KCNIP1: variants seen among roughly 807,000 people sequenced by gnomAD.
KCNIP1 encodes A-type potassium channel modulatory protein KCNIP1.
A neutral mutation model predicts 33.0 loss-of-function variants in KCNIP1; 18 were observed. That is an observed-to-expected ratio of 0.55 (90% CI 0.38 to 0.81). The LOEUF (loss-of-function observed/expected upper bound fraction) is 0.81. Ranked by LOEUF, KCNIP1 falls within the 30% of genes least tolerant of loss-of-function variation. KCNIP1 has a pLI of 0.00. For missense variants in KCNIP1, 238 were observed against 271.6 expected (o/e 0.88, Z 0.87); for synonymous variants, 93 against 98.3 (o/e 0.95, Z 0.32).
At chr5:170,465,442 A>G (rs1581217096) in intron 1 of KCNIP1, among the ~76,000 whole-genome samples, 1 of 152,198 alleles carries the variant, frequency 6.6e-6, no homozygotes, top group African/African-American at 2.4e-5. Flanking sequence ...GTCTTCATCC[A>G]AGGGAACCAA....
intron 1 of KCNIP1, among the ~76,000 whole-genome samples, chr5:170,355,040 G>C (rs1763308732): frequency 6.6e-6 from 1 of 152,238 alleles, no homozygotes. Flanking sequence ...CATGGCTCAG[G>C]TGCCCGCCAC....
At chr5:170,449,933 C>T (rs565352074) in intron 1 of KCNIP1, among the ~76,000 whole-genome samples, 3 of 151,772 alleles carry the variant, frequency 2.0e-5, no homozygotes, top group Admixed American at 2.0e-4. Context: ...CTTGGAAGGC[C>T]GGGAGGTTTT....
rs564966622 is a variant in KCNIP1 at position 170,648,600 on chromosome 5, G to C, written c.62-70158G>C. On this transcript the variant is annotated intron_variant, in intron 1 of 7. Coordinates refer to ENST00000328939, the MANE Select transcript of KCNIP1 (RefSeq NM_014592.4). ...CAGTAAAAAGATGGCTGGTTTCCAG[G>C]GTTGTGGGGAGGAAGGGATGATTAG... Among the ~76,000 whole-genome samples the C allele has an allele frequency of 2.6e-5, 4 of 152,328 alleles. No individual in the cohort carries two copies. The East Asian group carries it at 7.7e-4, about 29-fold the overall frequency.
intron 1 of KCNIP1, among the ~76,000 whole-genome samples, chr5:170,546,183 T>A (rs2113396096): frequency 6.6e-6 from 1 of 152,360 alleles, no homozygotes; most frequent in Middle Eastern, 3.4e-3. Context: ...CTGAAGAGAT[T>A]CAGTCCTGCT....
chr5:170,691,479 T>A (rs548449567), intron 1 of KCNIP1, among the ~76,000 whole-genome samples: 1 of 152,344 alleles, frequency 6.6e-6, no homozygotes, highest in African/African-American at 2.4e-5. Flanking sequence ...ATACTTAACT[T>A]TCCTGAGAGT....
intron 5 of KCNIP1, among the ~76,000 whole-genome samples, chr5:170,730,225 A>C (rs1001227272): frequency 6.6e-5 from 10 of 152,140 alleles, no homozygotes; most frequent in African/African-American, 1.9e-4. Flanking sequence ...TAAAGAAAAA[A>C]ATACAGAAAT....
At chr5:170,593,984 A>G (rs1387004846) in intron 1 of KCNIP1, among the ~76,000 whole-genome samples, 1 of 152,248 alleles carries the variant, frequency 6.6e-6, no homozygotes, top group Non-Finnish European at 1.5e-5. Context: ...AGAATACAAG[A>G]TATAATTCTT....
chr5:170,686,827 C>T (rs972111526), intron 1 of KCNIP1, among the ~76,000 whole-genome samples: 2 of 152,218 alleles, frequency 1.3e-5, no homozygotes, highest in African/African-American at 4.8e-5. Context: ...AATGAGCAAG[C>T]ACTGCAGCCA....
At chr5:170,586,553 G>A (rs1242315191) in intron 1 of KCNIP1, among the ~76,000 whole-genome samples, 1 of 152,208 alleles carries the variant, frequency 6.6e-6, no homozygotes, top group East Asian at 1.9e-4. Flanking sequence ...CCGGGTCCAT[G>A]CCACATTGTT....
At chr5:170,418,666 C>A (rs1326772636) in intron 1 of KCNIP1, among the ~76,000 whole-genome samples, 1 of 152,204 alleles carries the variant, frequency 6.6e-6, no homozygotes, top group Non-Finnish European at 1.5e-5. Flanking sequence ...TACTTTTCAG[C>A]CTGAGGTCTC....
intron 1 of KCNIP1, among the ~76,000 whole-genome samples, chr5:170,381,930 C>T (rs893071542): frequency 2.0e-5 from 3 of 152,188 alleles, no homozygotes; most frequent in African/African-American, 7.2e-5. Context: ...GGGGCCGAGT[C>T]ATACTAGCGA....
intron 1 of KCNIP1, among the ~76,000 whole-genome samples, chr5:170,592,885 G>A (rs927983863): frequency 4.6e-5 from 7 of 152,010 alleles, no homozygotes; most frequent in South Asian, 4.2e-4. Flanking sequence ...TATAAGCTCC[G>A]GACAAACACA....
At chr5:170,414,376 CTG>C (rs1755273214) in intron 1 of KCNIP1, among the ~76,000 whole-genome samples, 1 of 152,220 alleles carries the variant, frequency 6.6e-6, no homozygotes, top group Non-Finnish European at 1.5e-5. Flanking sequence ...TGTAAACAGA[CTG>C]TAGCCTACAC....
intron 1 of KCNIP1, among the ~76,000 whole-genome samples, chr5:170,640,822 G>C (rs1039183256): frequency 2.6e-5 from 4 of 152,124 alleles, no homozygotes; most frequent in African/African-American, 9.7e-5. Flanking sequence ...TGCAAGGGGG[G>C]ACACCTCACA....
intron 1 of KCNIP1, among the ~76,000 whole-genome samples, chr5:170,398,348 G>T (rs997196746): frequency 6.6e-6 from 1 of 152,138 alleles, no homozygotes; most frequent in Non-Finnish European, 1.5e-5. Context: ...AGGGCAAAAG[G>T]TTTCTACATT....
chr5:170,390,517 A>AAATATATATAT, intron 1 of KCNIP1, among the ~76,000 whole-genome samples: 8 of 74,534 alleles, frequency 1.1e-4, no homozygotes, highest in African/African-American at 1.3e-4. Flanking sequence ...AAAAAAAACA[A>AAATATATATAT]ATATATATAT....
At chr5:170,506,868 C>G (rs1206367879) in intron 1 of KCNIP1, among the ~76,000 whole-genome samples, 1 of 152,134 alleles carries the variant, frequency 6.6e-6, no homozygotes, top group African/African-American at 2.4e-5. Flanking sequence ...GGTATTTGCC[C>G]CCGAAGCACA....
intron 1 of KCNIP1, among the ~76,000 whole-genome samples, chr5:170,690,649 G>A (rs1394886005): frequency 6.6e-6 from 1 of 152,202 alleles, no homozygotes; most frequent in African/African-American, 2.4e-5. Flanking sequence ...TAGGAAAAGG[G>A]CCCAGGTGGC....
chr5:170,557,545 G>A (rs532350904), intron 1 of KCNIP1, among the ~76,000 whole-genome samples: 32 of 152,226 alleles, frequency 2.1e-4, no homozygotes, highest in South Asian at 1.7e-3. Context: ...GAAATGAATC[G>A]TGTGGGTCCC....
Sources: gnomAD v4.1 joint callset for allele counts (sites outside exome capture counted in the v4.1 genomes callset) on GRCh38, gnomAD v4.1.1 for gene constraint, MANE v1.5 for transcripts, NCBI Gene and HGNC (gene_info 2026-07-23, HGNC 2026-07-21) for gene names.